The following VPS45 variants were observed in gnomAD, a reference collection of about 807,000 sequenced individuals.
VPS45 encodes the protein vacuolar protein sorting 45 homolog.
In VPS45, 35 loss-of-function variants were observed where a neutral mutation model predicts 75.9. That is an observed-to-expected ratio of 0.46 (90% CI 0.35 to 0.61). The LOEUF is 0.61. VPS45 is among the 20% of genes least tolerant of loss of function. The pLI, the probability that VPS45 is intolerant of heterozygous loss-of-function variation, is 0.00. For synonymous variants in VPS45, 220 were observed against 238.2 expected, an observed-to-expected ratio of 0.92 and a Z score of 0.70; for missense variants, 559 against 685.9, an observed-to-expected ratio of 0.81 and a Z score of 2.07.
intron 1 of VPS45, chr1:150,068,255 T>C (rs1654838387): frequency 4.8e-6 from 2 of 415,664 alleles, no homozygotes; most frequent in African/African-American, 4.1e-5. Flanking sequence ...ATGGGCCTAC[T>C]GTTTCCACTC....
chr1:150,089,086 TA>T (rs1187842425), intron 10 of VPS45, among the ~76,000 whole-genome samples: 2 of 152,206 alleles, frequency 1.3e-5, no homozygotes, highest in East Asian at 3.9e-4. Flanking sequence ...CTATCTCTAA[TA>T]AGAAACAGCC....
In VPS45 at chr1:150,081,406, G is replaced by A. The variant is rs1232758301; in HGVS notation, c.752G>A (p.Arg251Lys). The change falls in exon 8 of 15, where the codon AGA becomes AAA. Residue 251 changes from arginine (R) to lysine (K), a missense_variant. Physicochemically the swap from Arg to Lys is conservative, Grantham distance 26. Coordinates refer to ENST00000644510, the MANE Select transcript of VPS45 (RefSeq NM_007259.5). ...GINNNRIDLS[R>K]VPGISKDLRE... ...AACAACAATCGGATTGATCTTTCCA[G>A]AGTGCCGGGAATCAGTAAAGACTTA... 8 of 1,609,010 alleles carry A rather than the reference G, an allele frequency of 5.0e-6. No individual in the cohort carries two copies. Among genetic ancestry groups the A allele is most frequent in the Non-Finnish European group, 6.8e-6 (8 of 1,178,624 alleles).
At chr1:150,112,566 C>A (rs1002909697) in intron 14 of VPS45, among the ~76,000 whole-genome samples, 1 of 152,100 alleles carries the variant, frequency 6.6e-6, no homozygotes, top group Non-Finnish European at 1.5e-5. Flanking sequence ...ACACCAAATA[C>A]ACCATGTCTT....
intron 13 of VPS45, among the ~76,000 whole-genome samples, chr1:150,096,352 A>G (rs1571856492): frequency 6.6e-6 from 1 of 152,366 alleles, no homozygotes; most frequent in South Asian, 2.1e-4. Context: ...GAATTATTAC[A>G]GAAGAGTATT....
chr1:150,102,541 C>G (rs1345292918), intron 13 of VPS45, among the ~76,000 whole-genome samples: 1 of 51,140 alleles, frequency 2.0e-5, no homozygotes, highest in Non-Finnish European at 3.7e-5. Context: ...GAACGAAACT[C>G]TGTCTCAAAA....
chr1:150,093,508 C>T lies in VPS45; in HGVS notation c.1372-19C>T. On this transcript the variant is annotated intron_variant, in intron 12 of 14. Transcript: ENST00000644510. ...CAATTTCCCAAAAATGACATAAGAA[C>T]CATTTTCCCCTGTTTTAGGGAGTAG... 2 of 1,604,112 alleles carry T rather than the reference C, an allele frequency of 1.2e-6. No homozygotes were observed. Among genetic ancestry groups the T allele is most frequent in the Non-Finnish European group, 1.7e-6 (2 of 1,176,260 alleles).
At chr1:150,136,790 A>AAAT (rs1553813840) in intron 14 of VPS45, among the ~76,000 whole-genome samples, 1 of 149,122 alleles carries the variant, frequency 6.7e-6, no homozygotes, top group East Asian at 2.0e-4. Flanking sequence ...AAAAAAAAAA[A>AAAT]GGTGTACCAC....
At chr1:150,120,071 G>A (rs587749838) in intron 14 of VPS45, among the ~76,000 whole-genome samples, 2 of 151,796 alleles carry the variant, frequency 1.3e-5, no homozygotes, top group Admixed American at 6.6e-5. Context: ...TCGCGCCATC[G>A]CACTCCAGCC....
rs372248574 is a variant in VPS45 at position 150,135,356 on chromosome 1, A to G, written c.1626-9353A>G. Among the ~76,000 whole-genome samples the G allele has an allele frequency of 5.5e-3, 833 of 152,062 alleles. 5 individuals are homozygous for G. The highest frequency in any genetic ancestry group is 0.027 in the Middle Eastern group (8 of 294). On this transcript the variant is annotated intron_variant, in intron 14 of 14. Coordinates refer to ENST00000644510, the MANE Select transcript of VPS45 (RefSeq NM_007259.5). ...CGGCTCACTACAACCTCTGCCTCCC[A>G]GGTTCAAGTGATTCTCTAGCCTTAG...
At chr1:150,080,105 T>C (rs916710186) in intron 7 of VPS45, among the ~76,000 whole-genome samples, 1 of 151,872 alleles carries the variant, frequency 6.6e-6, no homozygotes, top group East Asian at 1.9e-4. Context: ...GCTAGAAGCA[T>C]GTACAAGAAG....
At chr1:150,079,139 C>T (rs1655557874) in intron 7 of VPS45, among the ~76,000 whole-genome samples, 1 of 149,666 alleles carries the variant, frequency 6.7e-6, no homozygotes, top group African/African-American at 2.5e-5. Flanking sequence ...ACTCAAAAGC[C>T]ATCTCCAACA....
rs782797599 is a variant in VPS45 at position 150,110,537 on chromosome 1, A to G, written c.1535A>G (p.Tyr512Cys). 6 of 1,613,512 alleles carry G rather than the reference A, an allele frequency of 3.7e-6. No homozygotes were observed. Among genetic ancestry groups the G allele is most frequent in the East Asian group, 4.5e-5 (2 of 44,868 alleles). ...GTGTTTGTAATTGGAGGAGCCACCT[A>G]TGAAGAGGCTCTAACAGTTTATAAC... is the stretch of plus-strand genomic sequence containing the variant. Reference protein sequence around the residue: ...IIVFVIGGATYEEALTVYNLN... With the variant: ...IIVFVIGGATCEEALTVYNLN... The change falls in exon 14 of 15, where the codon TAT (tyrosine) becomes TGT (cysteine). Residue 512 changes from tyrosine (Y) to cysteine (C), a missense_variant. Physicochemically the swap from Tyr to Cys is radical, Grantham distance 194. Transcript: ENST00000644510.
At chr1:150,085,541 G>A (rs151009647) in intron 10 of VPS45, among the ~76,000 whole-genome samples, 2 of 151,986 alleles carry the variant, frequency 1.3e-5, no homozygotes, top group Non-Finnish European at 2.9e-5. Flanking sequence ...CATCATAAAC[G>A]ACTTATTTGG....
At chr1:150,141,407 A>G (rs1278134040) in intron 14 of VPS45, among the ~76,000 whole-genome samples, 4 of 152,208 alleles carry the variant, frequency 2.6e-5, no homozygotes, top group Non-Finnish European at 5.9e-5. Flanking sequence ...ATACACACAC[A>G]TAGTTTTTGT....
intron 13 of VPS45, among the ~76,000 whole-genome samples, chr1:150,094,432 G>T (rs1381413771): frequency 6.6e-6 from 1 of 152,010 alleles, no homozygotes; most frequent in Non-Finnish European, 1.5e-5. Context: ...AACATAATGA[G>T]ATTCTGAATG....
chr1:150,095,469 C>T, intron 13 of VPS45, among the ~76,000 whole-genome samples: 1 of 152,136 alleles, frequency 6.6e-6, no homozygotes, highest in East Asian at 1.9e-4. Flanking sequence ...AAAAATTAGC[C>T]TGGCGTGGGT....
At chr1:150,117,402 G>C (rs12032146) in intron 14 of VPS45, among the ~76,000 whole-genome samples, 13,235 of 150,734 alleles carry the variant, frequency 0.088, 864 homozygotes, top group South Asian at 0.24. Context: ...GGCACCTATA[G>C]TCCCAGCTAC....
chr1:150,112,963 C>T (rs587628799), intron 14 of VPS45, among the ~76,000 whole-genome samples: 12 of 152,238 alleles, frequency 7.9e-5, no homozygotes, highest in African/African-American at 2.6e-4. Flanking sequence ...GGAACACCCA[C>T]CCCACCCCAG....
At chr1:150,109,750 C>G (rs1026849375) in intron 13 of VPS45, 1 of 152,096 alleles carries the variant, frequency 6.6e-6, no homozygotes, top group Non-Finnish European at 1.5e-5. Flanking sequence ...CATTTTGATA[C>G]GGATTGAAAC....
Sources: allele counts gnomAD v4.1 joint callset (sites outside exome capture counted in the v4.1 genomes callset), GRCh38; gene constraint gnomAD v4.1.1; transcripts MANE v1.5; gene names NCBI Gene and HGNC (gene_info 2026-07-23, HGNC 2026-07-21).